Variants in KCNA6 observed in about 807,000 individuals in gnomAD.
The protein encoded by KCNA6 is potassium voltage-gated channel subfamily A member 6.
A neutral mutation model predicts 29.5 loss-of-function variants in KCNA6; 17 were observed. That is an observed-to-expected ratio of 0.58 (90% CI 0.39 to 0.86). KCNA6 has a LOEUF of 0.86. Ranked by LOEUF, KCNA6 falls within the 40% of genes least tolerant of loss-of-function variation. KCNA6 has a pLI of 0.00. For missense variants in KCNA6, 450 were observed against 703.4 expected, an observed-to-expected ratio of 0.64 and a Z score of 4.07; for synonymous variants, 296 against 304.7, an observed-to-expected ratio of 0.97 and a Z score of 0.30.
At chr12:4,829,589 T>C in the KCNA6 span, among the ~76,000 whole-genome samples, 2 of 152,120 alleles carry the variant, frequency 1.3e-5, no homozygotes, top group South Asian at 2.1e-4. Context: ...TCAACCTTCA[T>C]AGGATATCAG....
chr12:4,834,043 C>T, the KCNA6 span, among the ~76,000 whole-genome samples: 3 of 151,890 alleles, frequency 2.0e-5, no homozygotes, highest in Admixed American at 6.6e-5. Context: ...CTCCTCTCAC[C>T]TCGGCCTCCT....
the KCNA6 span, among the ~76,000 whole-genome samples, chr12:4,836,479 TG>T: frequency 1.0e-3 from 154 of 152,198 alleles, no homozygotes; most frequent in Admixed American, 2.0e-3. Flanking sequence ...GAATTTTCAT[TG>T]TTGAAAATAA....
chr12:4,849,262 T>A, the KCNA6 span, among the ~76,000 whole-genome samples: 2 of 151,950 alleles, frequency 1.3e-5, no homozygotes, highest in East Asian at 3.9e-4. Context: ...GAGAATTGAG[T>A]CTAATGACCC....
chr12:4,820,551 A>ACACACG, the KCNA6 span, among the ~76,000 whole-genome samples: 1 of 87,874 alleles, frequency 1.1e-5, no homozygotes, highest in Non-Finnish European at 2.6e-5. Flanking sequence ...ACCTAAACAC[A>ACACACG]CACACACACA....
chr12:4,848,977 G>A, the KCNA6 span, among the ~76,000 whole-genome samples: 2 of 151,720 alleles, frequency 1.3e-5, no homozygotes, highest in African/African-American at 4.8e-5. Flanking sequence ...AAAATTAGCC[G>A]GGTGTGGTAG....
Position 4,811,307 on chromosome 12 carries a change from G to A in KCNA6, c.1266G>A (p.Thr422=), listed in dbSNP as rs769793591. 6.2e-7 allele frequency: 1 copy of A among 1,614,102 alleles called. No homozygotes were observed. Among genetic ancestry groups the A allele is most frequent in the African/African-American group, 1.3e-5 (1 of 74,934 alleles). The change falls in exon 1 of 1, where the codon ACG becomes ACA. Residue 422 remains threonine, a synonymous_variant. Transcript: ENST00000280684. This position sits in a 1 kb window ranked among gnomAD's most constrained non-coding sequence, Gnocchi z 7.1. ...GGTGGGCAGTGGTTACAATGACCAC[G>A]GTAGGTTACGGGGACATGTACCCCA...
At chr12:4,839,229 G>A in the KCNA6 span, 1 of 152,182 alleles carries the variant, frequency 6.6e-6, no homozygotes, top group East Asian at 1.9e-4. Context: ...ACTTATGCAT[G>A]GATTTTCTTC....
chr12:4,849,028 G>C, the KCNA6 span, among the ~76,000 whole-genome samples: 1 of 104,202 alleles, frequency 9.6e-6, no homozygotes, highest in Non-Finnish European at 2.2e-5. Context: ...GCTGAGGCAG[G>C]AGAATCATTT....
chr12:4,811,190 C>T lies in KCNA6; in HGVS notation c.1149C>T (p.Leu383=). 3.1e-6 allele frequency: 5 copies of T among 1,614,266 alleles called. No individual in the cohort carries two copies. Among genetic ancestry groups the T allele is most frequent in the South Asian group, 1.1e-5 (1 of 91,086 alleles). The change falls in exon 1 of 1, where the codon CTC becomes CTT. Residue 383 remains leucine, a synonymous_variant. Transcript: ENST00000280684. This position sits in a 1 kb window ranked among gnomAD's most constrained non-coding sequence, Gnocchi z 7.1. ...AGCTGGGGCTGCTCATCTTCTTCCT[C>T]TTCATCGGGGTCATCCTCTTCTCCA... is the stretch of plus-strand genomic sequence containing the variant.
At chr12:4,834,922 C>T in the KCNA6 span, among the ~76,000 whole-genome samples, 3 of 152,082 alleles carry the variant, frequency 2.0e-5, no homozygotes, top group Admixed American at 6.6e-5. Context: ...GAAAGGTGCC[C>T]GGTCTGACCC....
Position 4,811,876 on chromosome 12 carries a change from C to G in KCNA6, c.*245C>G. The stretch of plus-strand genomic sequence containing the variant: ...AGCGGTGCCACCCAATCATGCCCAG[C>G]TTCTGTCATATGAATGAGATATACA... On this transcript the variant is annotated 3_prime_UTR_variant, in exon 1 of 1. Transcript: ENST00000280684. This position sits in a 1 kb window ranked among gnomAD's most constrained non-coding sequence, Gnocchi z 7.1. 1.9e-6 allele frequency: 1 copy of G among 531,782 alleles called. No homozygotes were observed. Among genetic ancestry groups the G allele is most frequent in the Non-Finnish European group, 3.4e-6 (1 of 292,284 alleles). The allele number at this position is 531,782 out of a possible 1,614,324, so 32.9% of individuals were successfully genotyped here.
downstream of KCNA6, among the ~76,000 whole-genome samples, chr12:4,816,332 G>A (rs544170045): frequency 6.6e-6 from 1 of 151,768 alleles, no homozygotes; most frequent in Non-Finnish European, 1.5e-5. Flanking sequence ...AAATTGTTAT[G>A]AGAGTTACAT....
the KCNA6 span, among the ~76,000 whole-genome samples, chr12:4,823,999 C>T: frequency 6.6e-6 from 1 of 152,260 alleles, no homozygotes; most frequent in Non-Finnish European, 1.5e-5. Flanking sequence ...TCTGTCCACC[C>T]TGAGGAAGTC....
downstream of KCNA6, among the ~76,000 whole-genome samples, chr12:4,816,708 A>G (rs1470846407): frequency 6.6e-6 from 1 of 152,074 alleles, no homozygotes; most frequent in Non-Finnish European, 1.5e-5. Context: ...CTGGCCCCCT[A>G]CCTACAGTCC....
At chr12:4,812,417 C>A (rs1323285256) in exon 1 of KCNA6, 1 of 167,136 alleles carries the variant, frequency 6.0e-6, no homozygotes, top group African/African-American at 2.4e-5. Flanking sequence ...ACTCTTTGTG[C>A]AAGTGCCTTC....
chr12:4,848,819 C>T, the KCNA6 span, among the ~76,000 whole-genome samples: 3 of 152,212 alleles, frequency 2.0e-5, no homozygotes, highest in African/African-American at 7.2e-5. Flanking sequence ...TTTCTTTGGG[C>T]TTATATAAAA....
the KCNA6 span, among the ~76,000 whole-genome samples, chr12:4,846,938 C>T: frequency 6.6e-6 from 1 of 151,596 alleles, no homozygotes; most frequent in Non-Finnish European, 1.5e-5. Context: ...GCCACCACGC[C>T]CAGCTAATTT....
the KCNA6 span, among the ~76,000 whole-genome samples, chr12:4,828,402 C>T: frequency 2.0e-5 from 3 of 152,330 alleles, no homozygotes; most frequent in African/African-American, 4.8e-5. Flanking sequence ...TCCTATTGGA[C>T]GTTCAGGTTG....
At chr12:4,827,757 G>A in the KCNA6 span, among the ~76,000 whole-genome samples, 1 of 152,276 alleles carries the variant, frequency 6.6e-6, no homozygotes, top group African/African-American at 2.4e-5. Context: ...TTCCGAGCTG[G>A]GGCTTAGCCC....
Sources: allele counts gnomAD v4.1 joint callset (sites outside exome capture counted in the v4.1 genomes callset), GRCh38; gene constraint gnomAD v4.1.1; non-coding constraint Gnocchi (gnomAD v3.1); transcripts MANE v1.5; gene names NCBI Gene and HGNC (gene_info 2026-07-23, HGNC 2026-07-21).